Variants in WDR27 observed in about 807,000 individuals in gnomAD.
WDR27 encodes the protein WD repeat domain 27.
A neutral mutation model predicts 114.4 loss-of-function variants in WDR27; 100 were observed. That is an observed-to-expected ratio of 0.87 (90% CI 0.74 to 1.03). The LOEUF (loss-of-function observed/expected upper bound fraction) is 1.03. Among genes scored for constraint, WDR27 ranks in the 50% least tolerant of loss-of-function variants. The probability of loss-of-function intolerance (pLI) is 0.00; values close to 1 mark genes in which losing one functional copy is unlikely to be tolerated. For synonymous variants in WDR27, 449 were observed against 423.1 expected, an observed-to-expected ratio of 1.06 and a Z score of -0.75; for missense variants, 1,129 against 1,092.9, an observed-to-expected ratio of 1.03 and a Z score of -0.47.
chr6:169,519,416 T>G (rs2865093), intron 25 of WDR27, among the ~76,000 whole-genome samples: 135,629 of 152,198 alleles, frequency 0.89, 61,447 homozygotes, highest in Non-Finnish European at 0.94. Flanking sequence ...CATGGCACTA[T>G]CATTTTCTTG....
At chr6:169,670,852 C>T (rs1201740320) in intron 3 of WDR27, 159 bp from the exon 4 acceptor site, 2 of 1,019,754 alleles carry the variant, frequency 2.0e-6, no homozygotes, top group Non-Finnish European at 2.8e-6. Flanking sequence ...ATCAAAAATA[C>T]TGGATATACA....
chr6:169,638,708 G>T (rs1818354079), intron 17 of WDR27, 48 bp from the exon 18 acceptor site: 1 of 1,556,692 alleles, frequency 6.4e-7, no homozygotes, highest in African/African-American at 1.4e-5. Context: ...ATTAATATCA[G>T]TTTTGACTGA....
At chr6:169,695,380 T>C (rs912882983) in intron 1 of WDR27, among the ~76,000 whole-genome samples, 1 of 152,168 alleles carries the variant, frequency 6.6e-6, no homozygotes, top group Non-Finnish European at 1.5e-5. Flanking sequence ...GGGAGAAGCA[T>C]AGATTCCGTT....
chr6:169,571,614 G>A (rs1305525129), intron 25 of WDR27, among the ~76,000 whole-genome samples: 1 of 152,206 alleles, frequency 6.6e-6, no homozygotes, highest in Non-Finnish European at 1.5e-5. Flanking sequence ...GATCGCTTGA[G>A]CCCAGGAGTT....
intron 22 of WDR27, 27 bp downstream of exon 22, chr6:169,613,532 G>T: frequency 6.3e-7 from 1 of 1,580,626 alleles, no homozygotes; most frequent in Non-Finnish European, 8.7e-7. Flanking sequence ...CCCCACCCCT[G>T]CAGTGCAGGG....
At chr6:169,455,069 G>A (rs1318969900), downstream of WDR27, among the ~76,000 whole-genome samples, 1 of 152,216 alleles carries the variant, frequency 6.6e-6, no homozygotes, top group African/African-American at 2.4e-5. Flanking sequence ...GCCCTGGCCT[G>A]CAGCTGAGCC....
chr6:169,461,852 T>G (rs953644123), intron 25 of WDR27, among the ~76,000 whole-genome samples: 1 of 151,574 alleles, frequency 6.6e-6, no homozygotes, highest in African/African-American at 2.4e-5. Flanking sequence ...AAAACGAAAT[T>G]AAGAAACCTC....
chr6:169,573,323 C>T (rs939439384), intron 24 of WDR27, among the ~76,000 whole-genome samples: 13 of 152,174 alleles, frequency 8.5e-5, no homozygotes, highest in African/African-American at 2.9e-4. Context: ...AGCCCAACTA[C>T]CCAATACAAT....
chr6:169,662,232 T>C, intron 9 of WDR27, 72 bp downstream of exon 9: 1 of 1,542,840 alleles, frequency 6.5e-7, no homozygotes, highest in Non-Finnish European at 8.9e-7. Context: ...TCTTAGAAAA[T>C]GAACCTAATG....
At chr6:169,429,010 G>C in the WDR27 span, among the ~76,000 whole-genome samples, 172 of 152,266 alleles carry the variant, frequency 1.1e-3, no homozygotes, top group Middle Eastern at 0.02. Context: ...AAAACTCCCA[G>C]GCAGAAAGCA....
chr6:169,449,873 A>G, the WDR27 span, among the ~76,000 whole-genome samples: 1 of 152,236 alleles, frequency 6.6e-6, no homozygotes, highest in African/African-American at 2.4e-5. Context: ...GGGAGAGCCC[A>G]TGCACACTAA....
chr6:169,611,848 G>A (rs994490089), intron 22 of WDR27, among the ~76,000 whole-genome samples: 1 of 152,162 alleles, frequency 6.6e-6, no homozygotes, highest in Non-Finnish European at 1.5e-5. Context: ...TGATAACAAT[G>A]TCTTGGCCAG....
At chr6:169,568,393 G>A (rs1800841329) in intron 25 of WDR27, among the ~76,000 whole-genome samples, 1 of 152,088 alleles carries the variant, frequency 6.6e-6, no homozygotes. Context: ...GCAAGAATCT[G>A]TAGGAGCCAA....
At chr6:169,617,242 A>G (rs1173368734) in intron 21 of WDR27, among the ~76,000 whole-genome samples, 1 of 152,154 alleles carries the variant, frequency 6.6e-6, no homozygotes, top group Non-Finnish European at 1.5e-5. Flanking sequence ...CCAAAGGGAA[A>G]AGCCGGCATG....
In WDR27 at chr6:169,665,526, G is replaced by A. The variant is rs1562872416; in HGVS notation, c.743C>T (p.Ala248Val). ...CCCGGTGACCAGCTGCCTGCTTTCT[G>A]CATCAATGAATAAACTGAGAAGAGG... Reference protein sequence around the residue: ...AYPLLSLFIDAESRQLVTGCA... With the variant: ...AYPLLSLFIDVESRQLVTGCA... The change falls in exon 7 of 26, where the codon GCA becomes GTA. Residue 248 changes from alanine (A) to valine (V), a missense_variant. Ala to Val is a moderately conservative substitution (Grantham distance 64, BLOSUM62 0). Coordinates refer to ENST00000448612, the MANE Select transcript of WDR27 (RefSeq NM_182552.5). 4 of 1,613,714 alleles carry A rather than the reference G, an allele frequency of 2.5e-6. No homozygotes were observed. Among genetic ancestry groups the A allele is most frequent in the Non-Finnish European group, 3.4e-6 (4 of 1,179,730 alleles).
chr6:169,625,535 TTC>T (rs1345936095), intron 21 of WDR27, among the ~76,000 whole-genome samples: 2 of 152,188 alleles, frequency 1.3e-5, no homozygotes, highest in African/African-American at 2.4e-5. Flanking sequence ...CAGCTCCATC[TTC>T]TGAGAGCCCT....
intron 25 of WDR27, among the ~76,000 whole-genome samples, chr6:169,477,121 G>A (rs1216331868): frequency 6.6e-6 from 1 of 152,196 alleles, no homozygotes; most frequent in Admixed American, 6.5e-5. Context: ...TCTCCTTACT[G>A]TATCAAAGTA....
At chr6:169,429,375 A>G in the WDR27 span, among the ~76,000 whole-genome samples, 1 of 150,770 alleles carries the variant, frequency 6.6e-6, no homozygotes, top group Non-Finnish European at 1.5e-5. Flanking sequence ...TCCCTTGCAC[A>G]GGCATTTGTG....
intron 23 of WDR27, among the ~76,000 whole-genome samples, chr6:169,601,099 C>T (rs1444300352): frequency 6.6e-6 from 1 of 152,194 alleles, no homozygotes. Flanking sequence ...GCCCATCAGA[C>T]TAACAGCTGA....
Sources: allele counts gnomAD v4.1 joint callset (sites outside exome capture counted in the v4.1 genomes callset), GRCh38; gene constraint gnomAD v4.1.1; transcripts MANE v1.5; gene names NCBI Gene and HGNC (gene_info 2026-07-23, HGNC 2026-07-21).